The following GALNT13 variants were observed in gnomAD, a reference collection of about 807,000 sequenced individuals.
GALNT13 encodes the protein UDP-GalNAc:polypeptide N-acetylgalactosaminyltransferase 13.
Under a neutral mutation model 64.2 loss-of-function variants are expected in GALNT13, and 28 were observed. The ratio of observed to expected loss-of-function variants is 0.44; its 90% CI spans 0.32 to 0.60. GALNT13 has a LOEUF of 0.60. GALNT13 is among the 20% of genes least tolerant of loss of function. The pLI, the probability that GALNT13 is intolerant of heterozygous loss-of-function variation, is 0.05. For missense variants in GALNT13, 577 were observed against 669.8 expected, an observed-to-expected ratio of 0.86 and a Z score of 1.53; for synonymous variants, 214 against 224.6, an observed-to-expected ratio of 0.95 and a Z score of 0.42.
At chr2:154,301,738 C>A in intron 9 of GALNT13, 149 bp downstream of exon 9, 1 of 540,250 alleles carries the variant, frequency 1.9e-6, no homozygotes, top group Non-Finnish European at 3.2e-6. Context: ...GAAAGTTGTA[C>A]TATGAAGTAA....
chr2:153,949,652 T>A (rs1046430310), intron 3 of GALNT13, among the ~76,000 whole-genome samples: 6 of 152,018 alleles, frequency 3.9e-5, no homozygotes, highest in Non-Finnish European at 7.4e-5. Context: ...CCCAGGATAC[T>A]TGTAAAGGAG....
At chr2:154,356,076 A>T (rs1002872587) in intron 9 of GALNT13, among the ~76,000 whole-genome samples, 1 of 152,036 alleles carries the variant, frequency 6.6e-6, no homozygotes, top group African/African-American at 2.4e-5. Flanking sequence ...CACAATTTCA[A>T]ATGATTTCTC....
the GALNT13 span, among the ~76,000 whole-genome samples, chr2:153,222,337 G>GGGGGGT: frequency 3.2e-5 from 1 of 31,554 alleles, no homozygotes; most frequent in Non-Finnish European, 1.1e-4. Flanking sequence ...TGGGGTGGGG[G>GGGGGGT]GGGGGGTTGG....
chr2:154,147,692 C>T (rs1683700036), intron 4 of GALNT13, among the ~76,000 whole-genome samples: 4 of 151,816 alleles, frequency 2.6e-5, no homozygotes, highest in Non-Finnish European at 4.4e-5. Flanking sequence ...TTCAAGTTTA[C>T]CAAATACCTA....
At chr2:153,915,311 C>T (rs1689253478) in intron 2 of GALNT13, among the ~76,000 whole-genome samples, 1 of 152,112 alleles carries the variant, frequency 6.6e-6, no homozygotes, top group Admixed American at 6.5e-5. Flanking sequence ...TTTATACCTC[C>T]AAAGAGTTCT....
chr2:153,091,624 G>A, the GALNT13 span, among the ~76,000 whole-genome samples: 1 of 152,184 alleles, frequency 6.6e-6, no homozygotes, highest in Non-Finnish European at 1.5e-5. Flanking sequence ...AGTGGGAGCT[G>A]CATGTTAGCC....
chr2:154,205,489 T>C (rs1049430032), intron 4 of GALNT13, among the ~76,000 whole-genome samples: 1 of 152,212 alleles, frequency 6.6e-6, no homozygotes, highest in African/African-American at 2.4e-5. Context: ...GAATTATATA[T>C]TGAAATGTTA....
At chr2:153,255,855 T>C in the GALNT13 span, among the ~76,000 whole-genome samples, 11 of 152,368 alleles carry the variant, frequency 7.2e-5, no homozygotes, top group African/African-American at 2.2e-4. Context: ...CTGATGGGCT[T>C]CCCTTTGTGG....
chr2:153,817,168 C>T, the GALNT13 span, among the ~76,000 whole-genome samples: 8 of 152,198 alleles, frequency 5.3e-5, no homozygotes, highest in Non-Finnish European at 8.8e-5. Flanking sequence ...GACTCTTCCT[C>T]GGTGTAATTA....
the GALNT13 span, among the ~76,000 whole-genome samples, chr2:153,294,112 T>G: frequency 6.8e-6 from 1 of 147,002 alleles, no homozygotes; most frequent in African/African-American, 2.4e-5. Flanking sequence ...CATGAGCCAC[T>G]GCACCTGGCC....
the GALNT13 span, among the ~76,000 whole-genome samples, chr2:153,334,471 C>T: frequency 6.6e-6 from 1 of 152,138 alleles, no homozygotes; most frequent in East Asian, 1.9e-4. Flanking sequence ...TAAAAGAAAG[C>T]TAACTAAAGT....
At chr2:153,473,190 C>CA in the GALNT13 span, among the ~76,000 whole-genome samples, 11 of 150,836 alleles carry the variant, frequency 7.3e-5, no homozygotes, top group East Asian at 1.4e-3. Context: ...AGTATAATAA[C>CA]AAAAAAAAGG....
chr2:153,221,854 G>A, the GALNT13 span, among the ~76,000 whole-genome samples: 1 of 152,224 alleles, frequency 6.6e-6, no homozygotes, highest in Admixed American at 6.5e-5. Flanking sequence ...CCTGCATCTG[G>A]ATGAAGGGAA....
the GALNT13 span, among the ~76,000 whole-genome samples, chr2:153,804,020 C>T: frequency 6.6e-6 from 1 of 152,128 alleles, no homozygotes; most frequent in Non-Finnish European, 1.5e-5. Context: ...ACCACATCTG[C>T]ATTTGTCAAG....
At chr2:153,845,829 C>A in the GALNT13 span, among the ~76,000 whole-genome samples, 1 of 151,556 alleles carries the variant, frequency 6.6e-6, no homozygotes, top group Non-Finnish European at 1.5e-5. Context: ...AAGTATATAC[C>A]AAACACAAGT....
intron 4 of GALNT13, among the ~76,000 whole-genome samples, chr2:154,216,394 TGTGA>T (rs1688042600): frequency 1.3e-5 from 2 of 152,148 alleles, no homozygotes; most frequent in Non-Finnish European, 1.5e-5. Flanking sequence ...CTTGATTGGT[TGTGA>T]GTATTTTTAT....
the GALNT13 span, among the ~76,000 whole-genome samples, chr2:153,736,164 A>G: frequency 4.6e-5 from 7 of 152,212 alleles, no homozygotes; most frequent in East Asian, 1.9e-4. Context: ...CACTCCATCC[A>G]TCATAGATAA....
At chr2:153,437,763 A>G in the GALNT13 span, among the ~76,000 whole-genome samples, 2 of 151,950 alleles carry the variant, frequency 1.3e-5, no homozygotes, top group African/African-American at 4.8e-5. Flanking sequence ...ACACTGATGG[A>G]TCTTGACTCT....
chr2:154,440,605 A>G (rs898689662), intron 12 of GALNT13, among the ~76,000 whole-genome samples: 9 of 152,136 alleles, frequency 5.9e-5, no homozygotes, highest in African/African-American at 1.9e-4. Context: ...ACACACGCAC[A>G]AAAAGCTTAT....
Sources: allele counts gnomAD v4.1 joint callset (sites outside exome capture counted in the v4.1 genomes callset), GRCh38; gene constraint gnomAD v4.1.1; transcripts MANE v1.5; gene names NCBI Gene and HGNC (gene_info 2026-07-23, HGNC 2026-07-21).